The following DCBLD2 variants were observed in gnomAD, a reference collection of about 807,000 sequenced individuals.
DCBLD2 encodes discoidin, CUB and LCCL domain-containing protein 2.
A neutral mutation model predicts 86.8 loss-of-function variants in DCBLD2; 54 were observed. That is an observed-to-expected ratio of 0.62 (90% CI 0.50 to 0.78). DCBLD2 has a LOEUF of 0.78. Ranked by LOEUF, DCBLD2 falls within the 30% of genes least tolerant of loss-of-function variation. The pLI is 0.00. For missense variants in DCBLD2, 908 were observed against 954.2 expected, an observed-to-expected ratio of 0.95 and a Z score of 0.64; for synonymous variants, 354 against 341.3, an observed-to-expected ratio of 1.04 and a Z score of -0.41.
At chr3:98,831,400 CA>C (rs955465812) in intron 3 of DCBLD2, among the ~76,000 whole-genome samples, 2 of 151,180 alleles carry the variant, frequency 1.3e-5, no homozygotes, top group African/African-American at 4.9e-5. Context: ...TAATTTTTTT[CA>C]AAAAACCAAC....
Position 98,839,128 on chromosome 3 carries a change from T to TTTCC in DCBLD2, c.571+10329_571+10332dup, listed in dbSNP as rs201694422. Among the ~76,000 whole-genome samples, 120 of 91,776 alleles carry TTTCC rather than the reference T, an allele frequency of 1.3e-3. 1 individual carries two copies. Among genetic ancestry groups the TTTCC allele is most frequent in the African/African-American group, 4.1e-3 (83 of 20,400 alleles). The allele number at this position is 91,776 out of a possible 152,430, so 60.2% of individuals were successfully genotyped here. On this transcript the variant is annotated intron_variant, in intron 3 of 15. Coordinates refer to ENST00000326840, the MANE Select transcript of DCBLD2 (RefSeq NM_080927.4). ...TTCTTTCTTTCTTTCTTTTTCTTTC[T>TTTCC]TTCCTTCCTTCCTTCCTTCTTTCTT...
intron 1 of DCBLD2, among the ~76,000 whole-genome samples, chr3:98,892,231 C>T (rs895394944): frequency 6.6e-6 from 1 of 152,096 alleles, no homozygotes; most frequent in African/African-American, 2.4e-5. Flanking sequence ...AACTACCTCA[C>T]GGATGAGGAT....
intron 15 of DCBLD2, 69 bp from the exon 16 acceptor site, chr3:98,799,910 G>A: frequency 7.7e-7 from 1 of 1,306,182 alleles, no homozygotes; most frequent in Non-Finnish European, 1.0e-6. Flanking sequence ...TAGGGTGGCA[G>A]CTGCAGATTA....
chr3:98,890,919 C>A (rs1046780487), intron 1 of DCBLD2, among the ~76,000 whole-genome samples: 1 of 152,082 alleles, frequency 6.6e-6, no homozygotes, highest in Non-Finnish European at 1.5e-5. Context: ...ATACTAAGCA[C>A]TTTTGCTCAG....
rs192779815 is a variant in DCBLD2 at position 98,842,174 on chromosome 3, T to C, written c.571+7287A>G. Among the ~76,000 whole-genome samples the C allele has an allele frequency of 3.1e-4, 47 of 152,348 alleles. No individual in the cohort carries two copies. The East Asian group carries it at 8.7e-3, about 28-fold the overall frequency. ...TACACCTATTCATTCTTCTCTCTTA[T>C]GTGATCTAAAATTATTTAAATAACC... On this transcript the variant is annotated intron_variant, in intron 3 of 15. Transcript: ENST00000326840.
chr3:98,824,460 C>G (rs575152996), intron 4 of DCBLD2, among the ~76,000 whole-genome samples: 8 of 152,160 alleles, frequency 5.3e-5, no homozygotes, highest in African/African-American at 1.9e-4. Context: ...AGCTAACGTC[C>G]CCCTCAAATG....
intron 2 of DCBLD2, among the ~76,000 whole-genome samples, chr3:98,855,084 T>C (rs1942907535): frequency 6.6e-6 from 1 of 152,084 alleles, no homozygotes; most frequent in African/African-American, 2.4e-5. Context: ...AGAAGATACA[T>C]TTACTACATC....
intron 13 of DCBLD2, 163 bp downstream of exon 13, chr3:98,807,918 A>G (rs1274454811): frequency 1.3e-5 from 6 of 445,948 alleles, no homozygotes; most frequent in Non-Finnish European, 2.2e-5. Flanking sequence ...TGTGGAATTG[A>G]ACTTATTTAT....
chr3:98,900,356 T>A (rs1023777819), intron 1 of DCBLD2, among the ~76,000 whole-genome samples: 8 of 152,196 alleles, frequency 5.3e-5, no homozygotes, highest in African/African-American at 1.9e-4. Context: ...TGTGGTACAC[T>A]ACGGGAAAAC....
intron 12 of DCBLD2, among the ~76,000 whole-genome samples, chr3:98,810,790 T>C (rs1941924522): frequency 6.6e-6 from 1 of 152,308 alleles, no homozygotes; most frequent in Non-Finnish European, 1.5e-5. Context: ...AGTTCTGTTT[T>C]TATTTTCCCC....
chr3:98,809,154 C>A (rs1449214810), intron 12 of DCBLD2, among the ~76,000 whole-genome samples: 2 of 152,210 alleles, frequency 1.3e-5, no homozygotes, highest in South Asian at 2.1e-4. Context: ...CCTAATTTCA[C>A]TCCAGAGATA....
chr3:98,849,674 A>G, intron 2 of DCBLD2, 76 bp from the exon 3 acceptor site: 1 of 1,489,508 alleles, frequency 6.7e-7, no homozygotes, highest in Non-Finnish European at 9.1e-7. Flanking sequence ...AGATAACAGA[A>G]GCAGAATAAT....
rs562918304 is a variant in DCBLD2 at position 98,874,957 on chromosome 3, G to A, written c.433+6583C>T. On this transcript the variant is annotated intron_variant, in intron 2 of 15. Coordinates refer to ENST00000326840, the MANE Select transcript of DCBLD2 (RefSeq NM_080927.4). ...CCACTCGGTCTATAGATTTTGTTAC[G>A]GCAACCTGAGCTCAGACACTTTAAA... Among the ~76,000 whole-genome samples, 39 of 152,128 alleles carry A rather than the reference G, an allele frequency of 2.6e-4. 1 individual carries two copies. Among genetic ancestry groups the A allele is most frequent in the Admixed American group, 2.2e-3 (34 of 15,280 alleles).
At chr3:98,865,638 T>A (rs1296365039) in intron 2 of DCBLD2, among the ~76,000 whole-genome samples, 1 of 152,182 alleles carries the variant, frequency 6.6e-6, no homozygotes, top group African/African-American at 2.4e-5. Flanking sequence ...CATTTATTAG[T>A]CTGATTGACC....
intron 1 of DCBLD2, among the ~76,000 whole-genome samples, chr3:98,889,370 C>T (rs1943617824): frequency 6.6e-6 from 1 of 151,954 alleles, no homozygotes; most frequent in African/African-American, 2.4e-5. Context: ...GGTTCTCAGG[C>T]TCCTATTTCC....
chr3:98,824,043 C>T (rs565792761), intron 4 of DCBLD2, among the ~76,000 whole-genome samples: 138 of 152,024 alleles, frequency 9.1e-4, no homozygotes, highest in African/African-American at 2.8e-3. Context: ...AGTGTGTGTC[C>T]GGAAGTGGGG....
At chr3:98,893,396 A>G (rs75703049) in intron 1 of DCBLD2, among the ~76,000 whole-genome samples, 11 of 151,848 alleles carry the variant, frequency 7.2e-5, no homozygotes, top group African/African-American at 2.4e-4. Context: ...AAAAAAAAAA[A>G]GAAACCAATA....
intron 1 of DCBLD2, among the ~76,000 whole-genome samples, chr3:98,898,449 A>G (rs541571729): frequency 6.6e-6 from 1 of 151,724 alleles, no homozygotes; most frequent in South Asian, 2.1e-4. Flanking sequence ...CTATCAAAGA[A>G]ACCTTTTTTG....
chr3:98,838,069 G>GACGGC (rs1220121982), intron 3 of DCBLD2, among the ~76,000 whole-genome samples: 1 of 134,264 alleles, frequency 7.4e-6, no homozygotes, highest in Admixed American at 7.1e-5. Context: ...CTCCCTCCCG[G>GACGGC]ACGGCACGGC....
Sources: allele counts gnomAD v4.1 joint callset (sites outside exome capture counted in the v4.1 genomes callset), GRCh38; gene constraint gnomAD v4.1.1; transcripts MANE v1.5; gene names NCBI Gene and HGNC (gene_info 2026-07-23, HGNC 2026-07-21).